FANCE: variants seen among roughly 807,000 people sequenced by gnomAD.
The protein encoded by FANCE is FA complementation group E.
In FANCE, 42 loss-of-function variants were observed where a neutral mutation model predicts 57.8. That is an observed-to-expected ratio of 0.73 (90% CI 0.57 to 0.94). The LOEUF (loss-of-function observed/expected upper bound fraction) is 0.94. Among genes scored for constraint, FANCE ranks in the 40% least tolerant of loss-of-function variants. The pLI, the probability that FANCE is intolerant of heterozygous loss-of-function variation, is 0.00. For synonymous variants in FANCE, 251 were observed against 286.4 expected, an observed-to-expected ratio of 0.88 and a Z score of 1.25; for missense variants, 608 against 661.8, an observed-to-expected ratio of 0.92 and a Z score of 0.89.
At chr6:35,464,980 C>CA (rs1767770356) in intron 9 of FANCE, among the ~76,000 whole-genome samples, 1 of 151,748 alleles carries the variant, frequency 6.6e-6, no homozygotes, top group South Asian at 2.1e-4. Flanking sequence ...GTGATCCACC[C>CA]TCCTCAGCCT....
rs1160645936 is a variant in FANCE at position 35,452,629 on chromosome 6, C to T, written c.84C>T (p.Leu28=). 1.2e-5 allele frequency: 15 copies of T among 1,271,716 alleles called. No homozygotes were observed. The highest frequency in any genetic ancestry group is 1.5e-5 in the Non-Finnish European group (15 of 1,011,310). 78.8% of individuals were successfully genotyped at this position (1,271,716 alleles called of 1,614,324 possible). A position where few individuals can be genotyped will look rare whatever the true frequency, so the allele number is the denominator to read the frequency against. Residue 28 remains leucine (L), a synonymous_variant, in exon 1 of 10, where the codon CTC becomes CTT. Coordinates refer to ENST00000229769, the MANE Select transcript of FANCE (RefSeq NM_021922.3). The part of the protein sequence containing the change: ...PWAQLEAPAR[L]LLQALQAGPE... ...CGCAGCTGGAGGCCCCCGCCCGCCT[C>T]CTGCTGCAGGCGCTGCAGGCGGGGC...
chr6:35,461,583 A>AT (rs1049671696), intron 8 of FANCE, among the ~76,000 whole-genome samples: 13 of 150,066 alleles, frequency 8.7e-5, no homozygotes, highest in East Asian at 3.9e-4. Context: ...TATTTTGGTG[A>AT]TTTTTTTCAT....
rs1339273469 is a variant in FANCE, at chr6:35,455,736, C to A, written c.249-11C>A. On this transcript the variant is annotated splice_polypyrimidine_tract_variant and intron_variant, in intron 1 of 9. Coordinates refer to ENST00000229769, the MANE Select transcript of FANCE (RefSeq NM_021922.3). ...AAACACTTAACTGCTTGCTCTCCCT[C>A]TGCTACCCAGGAAACCACTGTTGCT... 2 of 1,613,672 alleles carry A rather than the reference C, an allele frequency of 1.2e-6. No homozygotes were observed. Among genetic ancestry groups the A allele is most frequent in the Non-Finnish European group, 1.7e-6 (2 of 1,180,050 alleles).
In FANCE at chr6:35,452,360, G is replaced by T. The variant is rs955214046; in HGVS notation, c.-186G>T. The T allele has an allele frequency of 1.3e-5, 7 of 553,792 alleles. No individual in the cohort carries two copies. The highest frequency in any genetic ancestry group is 1.6e-5 in the Non-Finnish European group (6 of 381,296). 34.3% of individuals were successfully genotyped at this position (553,792 alleles called of 1,614,324 possible). ...CCTCCTTCCCTTTCCGACAGCGCGG[G>T]AACGGCTGCGGCTTCGGGCGGCCGG... On this transcript the variant is annotated 5_prime_UTR_variant, in exon 1 of 10. Coordinates refer to ENST00000229769, the MANE Select transcript of FANCE (RefSeq NM_021922.3).
intron 6 of FANCE, 27 bp from the exon 7 acceptor site, chr6:35,459,655 C>A (rs768050713): frequency 1.2e-6 from 2 of 1,611,388 alleles, no homozygotes; most frequent in Non-Finnish European, 1.7e-6. Context: ...TCCCCCCAGA[C>A]TTCCCCTTCT....
chr6:35,463,978 A>G (rs890077867), intron 9 of FANCE, among the ~76,000 whole-genome samples: 1 of 151,758 alleles, frequency 6.6e-6, no homozygotes, highest in Admixed American at 6.6e-5. Flanking sequence ...TGACTCTTAA[A>G]AGGTGAATGG....
In FANCE at chr6:35,466,683, G is replaced by A; in HGVS notation, c.*338G>A. 1 of 417,628 alleles carries A rather than the reference G, an allele frequency of 2.4e-6. No homozygotes were observed. The highest frequency in any genetic ancestry group is 2.3e-5 in the South Asian group (1 of 42,718). The allele number at this position is 417,628 out of a possible 1,614,324, so 25.9% of individuals were successfully genotyped here. ...TCCCAGGCTCGATCCTCCCATGTCA[G>A]CCTCCCAAGTAGCTGGGACTACATG... On this transcript the variant is annotated 3_prime_UTR_variant, in exon 10 of 10. Coordinates refer to ENST00000229769, the MANE Select transcript of FANCE (RefSeq NM_021922.3).
rs1038501708 is a variant in FANCE, at chr6:35,459,338, CCTT to C, written c.1122_1124del (p.Leu375del). ...CCTCCCTGTTGGCTGTAGATCCTCT[CCTT>C]GACTTCCTCAGCCTCCCGCCTGCTT... On this transcript the variant is annotated inframe_deletion, in exon 6 of 10. Transcript: ENST00000229769. The C allele has an allele frequency of 6.8e-6, 11 of 1,613,940 alleles. No individual in the cohort carries two copies. Among genetic ancestry groups the C allele is most frequent in the African/African-American group, 4.0e-5 (3 of 74,878 alleles).
rs369631267 is a variant in FANCE at position 35,458,282 on chromosome 6, G to A, written c.970-15G>A. 86 of 1,612,920 alleles carry A rather than the reference G, an allele frequency of 5.3e-5. No individual in the cohort carries two copies. The highest frequency in any genetic ancestry group is 6.7e-5 in the Non-Finnish European group (79 of 1,179,976). On this transcript the variant is annotated splice_polypyrimidine_tract_variant and intron_variant, in intron 4 of 9. Coordinates refer to ENST00000229769, the MANE Select transcript of FANCE (RefSeq NM_021922.3). The stretch of plus-strand genomic sequence containing the variant: ...ATGTCCCGGTGTCCTCTCTCCCCCC[G>A]CACTCTGTAAGCAGATGGACTTGCT...
At chr6:35,463,008 C>T (rs1436194811) in intron 9 of FANCE, 94 bp downstream of exon 9, 11 of 1,563,778 alleles carry the variant, frequency 7.0e-6, no homozygotes, top group Non-Finnish European at 8.8e-6. Flanking sequence ...AGGGATAAAA[C>T]CCTGAGTGCT....
Position 35,460,604 on chromosome 6 carries a change from C to T in FANCE, c.1369C>T (p.Leu457Phe). The T allele has an allele frequency of 6.2e-7, 1 of 1,614,072 alleles. No homozygotes were observed. The highest frequency in any genetic ancestry group is 8.5e-7 in the Non-Finnish European group (1 of 1,179,986). The stretch of plus-strand genomic sequence containing the variant: ...GGAAACTTTCTTGGTGTTGCAGTCA[C>T]TCCTAGAGCGGCAGGTGAGCAGGCT... ...KEETFLVLQSLLERQVEMTPE... is the reference protein window; with the variant it reads ...KEETFLVLQSFLERQVEMTPE... Residue 457 changes from leucine (L) to phenylalanine (F), a missense_variant, in exon 8 of 10, where the codon CTC (leucine) becomes TTC (phenylalanine). Coordinates refer to ENST00000229769, the MANE Select transcript of FANCE (RefSeq NM_021922.3).
chr6:35,461,191 G>A (rs1294036977), intron 8 of FANCE, among the ~76,000 whole-genome samples: 4 of 152,038 alleles, frequency 2.6e-5, no homozygotes, highest in Admixed American at 2.0e-4. Flanking sequence ...CCACCACACC[G>A]GCTAATTTTT....
chr6:35,458,716 C>T (rs2150895462), intron 5 of FANCE, among the ~76,000 whole-genome samples: 1 of 152,078 alleles, frequency 6.6e-6, no homozygotes, highest in East Asian at 1.9e-4. Flanking sequence ...GATCTCCTGC[C>T]TCAGCCTCCT....
intron 1 of FANCE, among the ~76,000 whole-genome samples, chr6:35,455,345 T>C (rs564052860): frequency 3.9e-5 from 6 of 152,062 alleles, no homozygotes; most frequent in Non-Finnish European, 5.9e-5. Context: ...TCTCACATTG[T>C]TGCCCAGGCT....
At chr6:35,461,730 C>T (rs942870248) in intron 8 of FANCE, among the ~76,000 whole-genome samples, 3 of 151,172 alleles carry the variant, frequency 2.0e-5, no homozygotes, top group Non-Finnish European at 4.4e-5. Flanking sequence ...TCACTGCAAG[C>T]TCTGCCTCCC....
rs1767826190 is a variant in FANCE, at chr6:35,466,166, C to T, written c.1510-78C>T. The T allele has an allele frequency of 4.4e-6, 4 of 907,982 alleles. No individual in the cohort carries two copies. The South Asian group carries it at 5.2e-5, about 12-fold the overall frequency. The allele number at this position is 907,982 out of a possible 1,614,324, so 56.2% of individuals were successfully genotyped here. ...CCATCCTCCTGGCCTCCTCTCTCCT[C>T]AATAGAGCCCCTGGGGTAGTCGGGA... is the stretch of plus-strand genomic sequence containing the variant. On this transcript the variant is annotated intron_variant, in intron 9 of 9. Transcript: ENST00000229769.
chr6:35,466,425 G>T lies in FANCE; in HGVS notation c.*80G>T. ...ATTTCTTTCTTCACCACCTTGTCTT[G>T]AGCCCTAGCCTGAGGATAAAGGCTG... is the stretch of plus-strand genomic sequence containing the variant. On this transcript the variant is annotated 3_prime_UTR_variant, in exon 10 of 10. Transcript: ENST00000229769. 2 of 950,112 alleles carry T rather than the reference G, an allele frequency of 2.1e-6. No individual in the cohort carries two copies. The highest frequency in any genetic ancestry group is 3.5e-6 in the Non-Finnish European group (2 of 577,418). 58.9% of individuals were successfully genotyped at this position (950,112 alleles called of 1,614,324 possible). A position where few individuals can be genotyped will look rare whatever the true frequency, so the allele number is the denominator to read the frequency against.
Position 35,456,454 on chromosome 6 carries a change from T to A in FANCE, c.855+101T>A. On this transcript the variant is annotated intron_variant, in intron 2 of 9. Coordinates refer to ENST00000229769, the MANE Select transcript of FANCE (RefSeq NM_021922.3). The surrounding 1 kb of genome is among the most constrained non-coding windows in gnomAD (Gnocchi z 4.3). Reference sequence around the variant, plus strand: ...GACACTTTTTCCCAATGGAGTTGACTGTAGTTCCTGGAGGAAGAAGGAGGA... The same window carrying A: ...GACACTTTTTCCCAATGGAGTTGACAGTAGTTCCTGGAGGAAGAAGGAGGA... 6.8e-7 allele frequency: 1 copy of A among 1,474,256 alleles called. No homozygotes were observed. The highest frequency in any genetic ancestry group is 9.5e-7 in the Non-Finnish European group (1 of 1,055,522). The allele number at this position is 1,474,256 out of a possible 1,614,324, so 91.3% of individuals were successfully genotyped here.
At chr6:35,458,462 C>CA (rs778799162) in intron 5 of FANCE, 22 bp downstream of exon 5, 2 of 1,613,718 alleles carry the variant, frequency 1.2e-6, no homozygotes, top group South Asian at 2.2e-5. Context: ...GGGAGGTACT[C>CA]AGAGTGCCAA....
Sources: allele counts gnomAD v4.1 joint callset (sites outside exome capture counted in the v4.1 genomes callset), GRCh38; gene constraint gnomAD v4.1.1; non-coding constraint Gnocchi (gnomAD v3.1); transcripts MANE v1.5; gene names NCBI Gene and HGNC (gene_info 2026-07-23, HGNC 2026-07-21).